The following NEGR1 variants were observed in gnomAD, a reference collection of about 807,000 sequenced individuals.
NEGR1 encodes the protein IgLON family member 4.
NEGR1 carries 10 observed loss-of-function variants against 40.9 expected under a neutral mutation model. The observed-to-expected ratio is 0.24, with a 90% CI of 0.15 to 0.42. NEGR1 has a LOEUF of 0.42. Among genes scored for constraint, NEGR1 ranks in the 10% least tolerant of loss-of-function variants. The probability of loss-of-function intolerance (pLI) is 1.00; values close to 1 mark genes in which losing one functional copy is unlikely to be tolerated. For synonymous variants in NEGR1, 185 were observed against 166.8 expected (o/e 1.11, Z -0.84); for missense variants, 352 against 438.9 (o/e 0.80, Z 1.77).
At chr1:71,634,245 C>G (rs985546326) in intron 4 of NEGR1, among the ~76,000 whole-genome samples, 1 of 151,990 alleles carries the variant, frequency 6.6e-6, no homozygotes, top group Admixed American at 6.6e-5. Flanking sequence ...TCATTTTGTA[C>G]AGGTGCAGCC....
intron 6 of NEGR1, among the ~76,000 whole-genome samples, chr1:71,581,899 T>C (rs1225801965): frequency 6.6e-6 from 1 of 151,976 alleles, no homozygotes; most frequent in Non-Finnish European, 1.5e-5. Flanking sequence ...AGATGGGGTA[T>C]TGCCATGTTG....
chr1:71,753,146 T>C (rs1655625410), intron 3 of NEGR1, among the ~76,000 whole-genome samples: 1 of 152,074 alleles, frequency 6.6e-6, no homozygotes, highest in Non-Finnish European at 1.5e-5. Flanking sequence ...CTACCTATAA[T>C]ATAGGTATTT....
At chr1:71,729,847 G>T (rs1173751467) in intron 3 of NEGR1, among the ~76,000 whole-genome samples, 4 of 146,218 alleles carry the variant, frequency 2.7e-5, no homozygotes, top group African/African-American at 1.0e-4. Flanking sequence ...TTTGGTTTTT[G>T]GTTTTTTTTT....
chr1:72,215,310 G>A (rs1653759955), intron 1 of NEGR1, among the ~76,000 whole-genome samples: 5 of 152,162 alleles, frequency 3.3e-5, no homozygotes, highest in Admixed American at 6.5e-5. Context: ...CACGGGCAAA[G>A]ACTTCATAAC....
intron 6 of NEGR1, among the ~76,000 whole-genome samples, chr1:71,456,356 C>A (rs1215219800): frequency 3.4e-4 from 51 of 152,172 alleles, no homozygotes; most frequent in Non-Finnish European, 7.3e-5. Context: ...AATTCTCTTG[C>A]CTCAACCTCT....
chr1:71,939,336 A>C (rs1001696481), intron 1 of NEGR1, among the ~76,000 whole-genome samples: 2 of 152,158 alleles, frequency 1.3e-5, no homozygotes, highest in African/African-American at 4.8e-5. Flanking sequence ...TTCCACTAGA[A>C]GCAAGATCCA....
chr1:71,439,786 A>G (rs1646534458), intron 6 of NEGR1: 1 of 152,116 alleles, frequency 6.6e-6, no homozygotes, highest in South Asian at 2.1e-4. Flanking sequence ...TTGTTTTCTT[A>G]TTTTAATCAT....
intron 1 of NEGR1, among the ~76,000 whole-genome samples, chr1:71,963,196 C>G (rs564447669): frequency 6.6e-4 from 101 of 152,124 alleles, no homozygotes; most frequent in African/African-American, 2.1e-3. Flanking sequence ...TTCTGTAATG[C>G]CTACAGGTAG....
At chr1:71,659,360 C>A (rs1651980091) in intron 4 of NEGR1, among the ~76,000 whole-genome samples, 2 of 151,952 alleles carry the variant, frequency 1.3e-5, no homozygotes, top group African/African-American at 4.8e-5. Context: ...GTGTAAAACA[C>A]AAAACTGTAA....
At chr1:72,115,169 G>A (rs915532006) in intron 1 of NEGR1, among the ~76,000 whole-genome samples, 1 of 151,518 alleles carries the variant, frequency 6.6e-6, no homozygotes, top group Non-Finnish European at 1.5e-5. Flanking sequence ...AAGTGCCTAA[G>A]AAGCTGTGAA....
intron 4 of NEGR1, among the ~76,000 whole-genome samples, chr1:71,657,768 A>T (rs2101587873): frequency 6.6e-6 from 1 of 152,318 alleles, no homozygotes; most frequent in Non-Finnish European, 1.5e-5. Context: ...GATAATGAGG[A>T]AAAAGTTTGT....
chr1:71,534,250 T>G (rs1557558049), intron 6 of NEGR1, among the ~76,000 whole-genome samples: 1 of 151,752 alleles, frequency 6.6e-6, no homozygotes, highest in Non-Finnish European at 1.5e-5. Context: ...TTCCAGTTAA[T>G]AGTGAACTCA....
At chr1:71,819,048 T>C (rs556138943) in intron 2 of NEGR1, among the ~76,000 whole-genome samples, 45 of 152,048 alleles carry the variant, frequency 3.0e-4, no homozygotes, top group South Asian at 1.0e-3. Context: ...TACAAAGAAG[T>C]CAGCATCTGT....
At position 72,077,665 on chromosome 1, in the gene NEGR1, T is replaced by TAAGC. The variant is rs1553137368; in HGVS notation, c.177-142355_177-142354insGCTT. ...ATAAATAAATAAATAAATAAATAAA[T>TAAGC]AGGCCGGTGCAGTGGCGCATGCCTG... On this transcript the variant is annotated intron_variant, in intron 1 of 6. Coordinates refer to ENST00000357731, the MANE Select transcript of NEGR1 (RefSeq NM_173808.3). Among the ~76,000 whole-genome samples the TAAGC allele has an allele frequency of 2.7e-4, 41 of 150,038 alleles. No individual in the cohort carries two copies. In the South Asian group the frequency reaches 8.4e-3, roughly 31 times the overall value.
chr1:72,000,550 A>G (rs1300920510), intron 1 of NEGR1, among the ~76,000 whole-genome samples: 2 of 152,196 alleles, frequency 1.3e-5, no homozygotes, highest in African/African-American at 4.8e-5. Flanking sequence ...AGCTTTGTGA[A>G]TTTAAAACAC....
intron 2 of NEGR1, among the ~76,000 whole-genome samples, chr1:71,780,806 T>C (rs2101723595): frequency 6.6e-6 from 1 of 152,326 alleles, no homozygotes; most frequent in Admixed American, 6.5e-5. Flanking sequence ...ATAACATATG[T>C]CTCTTGTTAG....
At chr1:72,260,859 C>T (rs1047212924) in intron 1 of NEGR1, among the ~76,000 whole-genome samples, 10 of 151,756 alleles carry the variant, frequency 6.6e-5, no homozygotes, top group African/African-American at 1.7e-4. Context: ...GAAAAGTGAA[C>T]GAATTACAAA....
chr1:71,802,131 T>C (rs1657584224), intron 2 of NEGR1, among the ~76,000 whole-genome samples: 1 of 152,124 alleles, frequency 6.6e-6, no homozygotes, highest in South Asian at 2.1e-4. Flanking sequence ...CTAAGCTAAG[T>C]GTTGAAGGTG....
chr1:72,063,100 T>C (rs1389738010), intron 1 of NEGR1, among the ~76,000 whole-genome samples: 1 of 151,982 alleles, frequency 6.6e-6, no homozygotes, highest in African/African-American at 2.4e-5. Context: ...AAAAAATCTG[T>C]TCAGTCCCAG....
Sources: allele counts gnomAD v4.1 joint callset (sites outside exome capture counted in the v4.1 genomes callset), GRCh38; gene constraint gnomAD v4.1.1; transcripts MANE v1.5; gene names NCBI Gene and HGNC (gene_info 2026-07-23, HGNC 2026-07-21).